Variants in ATRNL1 observed in about 807,000 individuals in gnomAD.
ATRNL1 encodes the protein attractin like 1.
A neutral mutation model predicts 182.7 loss-of-function variants in ATRNL1; 95 were observed. The ratio of observed to expected loss-of-function variants is 0.52; its 90% CI spans 0.44 to 0.62. ATRNL1 has a LOEUF of 0.62. Among genes scored for constraint, ATRNL1 ranks in the 20% least tolerant of loss-of-function variants. ATRNL1 has a pLI of 0.00. For missense variants in ATRNL1, 1,471 were observed against 1,679.5 expected, an observed-to-expected ratio of 0.88 and a Z score of 2.17; for synonymous variants, 576 against 568.3, an observed-to-expected ratio of 1.01 and a Z score of -0.19.
At chr10:115,295,463 G>A (rs143330493) in intron 15 of ATRNL1, among the ~76,000 whole-genome samples, 1 of 152,248 alleles carries the variant, frequency 6.6e-6, no homozygotes, top group African/African-American at 2.4e-5. Flanking sequence ...TTGCCTGGAG[G>A]CATGCCCAAC....
At chr10:115,626,133 T>C (rs1555024566) in intron 26 of ATRNL1, among the ~76,000 whole-genome samples, 1 of 152,212 alleles carries the variant, frequency 6.6e-6, no homozygotes, top group Non-Finnish European at 1.5e-5. Context: ...TTATCATTCA[T>C]CATTTTTATA....
At chr10:115,518,426 C>G (rs1226279166) in intron 24 of ATRNL1, among the ~76,000 whole-genome samples, 2 of 151,896 alleles carry the variant, frequency 1.3e-5, no homozygotes, top group Non-Finnish European at 2.9e-5. Context: ...GGAAAACTCA[C>G]TTATATTGAC....
chr10:115,094,613 T>C (rs2084966672), intron 1 of ATRNL1, among the ~76,000 whole-genome samples: 1 of 152,176 alleles, frequency 6.6e-6, no homozygotes, highest in South Asian at 2.1e-4. Context: ...AAGCGCTTTA[T>C]GTCAATTTTC....
At chr10:115,117,513 G>A (rs782113540) in intron 1 of ATRNL1, among the ~76,000 whole-genome samples, 7 of 151,932 alleles carry the variant, frequency 4.6e-5, no homozygotes, top group Non-Finnish European at 1.0e-4. Flanking sequence ...AGTTACATCC[G>A]TTTTGTTGCA....
intron 24 of ATRNL1, among the ~76,000 whole-genome samples, chr10:115,504,636 G>A (rs1850015113): frequency 1.3e-5 from 2 of 152,146 alleles, no homozygotes; most frequent in South Asian, 4.1e-4. Flanking sequence ...TACAAAGAAT[G>A]TATGCTGGCA....
intron 9 of ATRNL1, among the ~76,000 whole-genome samples, chr10:115,228,282 TAAGA>T (rs764672760): frequency 2.0e-5 from 3 of 152,182 alleles, no homozygotes; most frequent in Admixed American, 6.6e-5. Flanking sequence ...ATTTAATAAG[TAAGA>T]GAGAATAAAC....
chr10:115,864,793 T>C (rs1951398061), intron 28 of ATRNL1, among the ~76,000 whole-genome samples: 1 of 151,996 alleles, frequency 6.6e-6, no homozygotes, highest in Non-Finnish European at 1.5e-5. Context: ...CCATCCCGGC[T>C]AACACGATGA....
rs1236450946 is a variant in ATRNL1, at chr10:115,268,437, G to T, written c.2093G>T (p.Cys698Phe). 3.1e-6 allele frequency: 5 copies of T among 1,595,916 alleles called. No homozygotes were observed. The highest frequency in any genetic ancestry group is 1.3e-5 in the African/African-American group (1 of 74,502). The change falls in exon 13 of 29, where the codon TGC becomes TTC. Residue 698 changes from cysteine to phenylalanine, a missense_variant. Physicochemically the swap from Cys to Phe is radical, Grantham distance 205 (BLOSUM62 -2). This residue lies in a region of ATRNL1 where 1,031 missense variants were observed against 1,156.0 expected (regional missense o/e 0.89). Transcript: ENST00000355044. ...AAATGCATTTCGGCAAATAGTAACT[G>T]CAGTATGGTTAGTATTTATGGGTAA... The part of the protein sequence containing the change: ...DKKCISANSN[C>F]SMSVKNYTKC...
chr10:115,597,082 T>C (rs1260295425), intron 26 of ATRNL1, among the ~76,000 whole-genome samples: 1 of 152,138 alleles, frequency 6.6e-6, no homozygotes, highest in African/African-American at 2.4e-5. Flanking sequence ...TTTCTTCTAG[T>C]TTAAATAGTC....
At chr10:115,821,830 T>G (rs1488211828) in intron 27 of ATRNL1, among the ~76,000 whole-genome samples, 1 of 152,138 alleles carries the variant, frequency 6.6e-6, no homozygotes, top group African/African-American at 2.4e-5. Flanking sequence ...CACACAATAA[T>G]AGTGGGACAC....
chr10:115,260,057 A>G (rs1350097640), intron 10 of ATRNL1, among the ~76,000 whole-genome samples: 2 of 152,206 alleles, frequency 1.3e-5, no homozygotes, highest in Non-Finnish European at 2.9e-5. Flanking sequence ...TCCTACCGCT[A>G]CATGTATTGA....
At chr10:115,725,661 T>C (rs1230101882) in intron 26 of ATRNL1, among the ~76,000 whole-genome samples, 4 of 152,212 alleles carry the variant, frequency 2.6e-5, no homozygotes, top group Admixed American at 2.6e-4. Context: ...ATTGTATATT[T>C]GTGTGTGTTG....
intron 27 of ATRNL1, among the ~76,000 whole-genome samples, chr10:115,745,733 A>G (rs1948273235): frequency 6.6e-6 from 1 of 152,074 alleles, no homozygotes; most frequent in Admixed American, 6.6e-5. Context: ...TTACTTTTGC[A>G]CCAACCCAAA....
intron 8 of ATRNL1, among the ~76,000 whole-genome samples, chr10:115,206,779 T>C (rs1848815012): frequency 6.6e-6 from 1 of 152,180 alleles, no homozygotes. Flanking sequence ...GTTGGTTTGC[T>C]GCACCCATCA....
intron 8 of ATRNL1, among the ~76,000 whole-genome samples, chr10:115,171,769 T>G (rs1554885716): frequency 6.6e-6 from 1 of 152,062 alleles, no homozygotes. Context: ...GAGATTATTA[T>G]CTGTTATGTG....
chr10:115,541,955 G>A (rs1380637843), intron 25 of ATRNL1, among the ~76,000 whole-genome samples: 1 of 152,056 alleles, frequency 6.6e-6, no homozygotes, highest in African/African-American at 2.4e-5. Context: ...TTTAGGAAAG[G>A]TTTTCAAAAT....
intron 5 of ATRNL1, among the ~76,000 whole-genome samples, chr10:115,145,566 G>A (rs1343356377): frequency 6.6e-6 from 1 of 152,164 alleles, no homozygotes; most frequent in African/African-American, 2.4e-5. Context: ...GGCCTTTGGA[G>A]ATTGATTTTA....
chr10:115,600,841 A>T (rs1565203740), intron 26 of ATRNL1, among the ~76,000 whole-genome samples: 2 of 150,776 alleles, frequency 1.3e-5, no homozygotes, highest in Admixed American at 1.3e-4. Context: ...CTAAATATTT[A>T]TGGTTTTAGC....
chr10:115,793,562 A>T (rs1200954538), intron 27 of ATRNL1, among the ~76,000 whole-genome samples: 2 of 151,808 alleles, frequency 1.3e-5, no homozygotes, highest in African/African-American at 2.4e-5. Flanking sequence ...AATAATAACG[A>T]TGCTTGAGGA....
Sources: allele counts gnomAD v4.1 joint callset (sites outside exome capture counted in the v4.1 genomes callset), GRCh38; gene constraint gnomAD v4.1.1; regional missense constraint gnomAD v4.1.1; transcripts MANE v1.5; gene names NCBI Gene and HGNC (gene_info 2026-07-23, HGNC 2026-07-21).